Variants in OLFM3 observed in about 807,000 individuals in gnomAD.
OLFM3 encodes noelin-3.
A neutral mutation model predicts 48.6 loss-of-function variants in OLFM3; 20 were observed. That is an observed-to-expected ratio of 0.41 (90% CI 0.29 to 0.60). The LOEUF is 0.60. OLFM3 is among the 20% of genes least tolerant of loss of function. OLFM3 has a pLI of 0.28. For missense variants in OLFM3, 437 were observed against 544.3 expected (o/e 0.80, Z 1.96); for synonymous variants, 222 against 198.1 (o/e 1.12, Z -1.01).
intron 1 of OLFM3, among the ~76,000 whole-genome samples, chr1:101,909,690 A>G (rs879292718): frequency 6.6e-6 from 1 of 152,208 alleles, no homozygotes; most frequent in Admixed American, 6.5e-5. Flanking sequence ...TTCCATTATA[A>G]TTACTTGTCA....
chr1:101,940,093 A>G (rs1557738507), intron 1 of OLFM3, among the ~76,000 whole-genome samples: 1 of 152,268 alleles, frequency 6.6e-6, no homozygotes, highest in East Asian at 1.9e-4. Context: ...TAGGAGTGTA[A>G]TAGACATAGT....
chr1:101,889,048 TTGG>T (rs1657885551), intron 1 of OLFM3, among the ~76,000 whole-genome samples: 1 of 152,210 alleles, frequency 6.6e-6, no homozygotes, highest in Non-Finnish European at 1.5e-5. Flanking sequence ...TTTTTCACTG[TTGG>T]TGGGACTCTA....
chr1:101,949,852 C>A (rs1470999161), intron 1 of OLFM3, among the ~76,000 whole-genome samples: 1 of 148,262 alleles, frequency 6.7e-6, no homozygotes, highest in African/African-American at 2.5e-5. Context: ...ATGGCGTAAA[C>A]CCGGGAGGCG....
intron 4 of OLFM3, among the ~76,000 whole-genome samples, chr1:101,820,077 A>G (rs1654536749): frequency 6.6e-6 from 1 of 152,156 alleles, no homozygotes; most frequent in South Asian, 2.1e-4. Context: ...AAGTGCCAGC[A>G]CACATTAGAG....
chr1:101,812,415 T>C (rs1654111659), intron 4 of OLFM3: 4 of 985,228 alleles, frequency 4.1e-6, no homozygotes, highest in Non-Finnish European at 4.8e-6. Context: ...GGTACCTTAT[T>C]GCCAGACTGA....
At position 101,995,703 on chromosome 1, in the gene OLFM3, C is replaced by T. The variant is rs992653867; in HGVS notation, c.69+1045G>A. On this transcript the variant is annotated intron_variant, in intron 1 of 5. Coordinates refer to ENST00000370103, the MANE Select transcript of OLFM3 (RefSeq NM_058170.4). ...TGAAAGGAAACTTAATTTGTCTACA[C>T]TACACACATGATGTAAAGCTTTAAA... 4.6e-5 allele frequency among the ~76,000 whole-genome samples: 7 copies of T among 152,274 alleles called. No homozygotes were observed. The East Asian group carries it at 1.2e-3, about 25-fold the overall frequency.
intron 1 of OLFM3, among the ~76,000 whole-genome samples, chr1:101,846,367 A>G (rs1655993776): frequency 6.6e-6 from 1 of 152,170 alleles, no homozygotes; most frequent in South Asian, 2.1e-4. Flanking sequence ...TGCTTAAAAG[A>G]TGTTAGTTTC....
intron 1 of OLFM3, among the ~76,000 whole-genome samples, chr1:101,842,524 G>T (rs1655777884): frequency 6.6e-6 from 1 of 152,144 alleles, no homozygotes; most frequent in African/African-American, 2.4e-5. Flanking sequence ...TACAGCCTAG[G>T]TGACAGAGTG....
At chr1:101,846,307 T>A (rs1244528106) in intron 1 of OLFM3, among the ~76,000 whole-genome samples, 1 of 152,158 alleles carries the variant, frequency 6.6e-6, no homozygotes, top group African/African-American at 2.4e-5. Context: ...TTAGCTTTCT[T>A]AAAGGAATTT....
intron 1 of OLFM3, chr1:101,882,804 A>T (rs1657589674): frequency 6.6e-6 from 1 of 151,858 alleles, no homozygotes; most frequent in South Asian, 2.1e-4. Context: ...GCTGCCAAGG[A>T]TGGTGAAGTC....
chr1:101,916,810 G>A (rs1471112843), intron 1 of OLFM3, among the ~76,000 whole-genome samples: 1 of 152,120 alleles, frequency 6.6e-6, no homozygotes, highest in Non-Finnish European at 1.5e-5. Flanking sequence ...TACCCCTACT[G>A]TGAGCCAGAT....
At chr1:101,926,424 C>G (rs774529928) in intron 1 of OLFM3, among the ~76,000 whole-genome samples, 2 of 152,056 alleles carry the variant, frequency 1.3e-5, no homozygotes, top group South Asian at 2.1e-4. Flanking sequence ...TTCACGCAAG[C>G]CTTTGATAGA....
At chr1:101,824,947 C>T (rs1333201282) in intron 4 of OLFM3, 79 bp downstream of exon 4, 1 of 1,241,608 alleles carries the variant, frequency 8.1e-7, no homozygotes, top group Non-Finnish European at 1.2e-6. Flanking sequence ...TTTTATGACT[C>T]TTTATAAAAC....
At chr1:101,914,624 T>C (rs10493969) in intron 1 of OLFM3, among the ~76,000 whole-genome samples, 65,768 of 151,982 alleles carry the variant, frequency 0.43, 14,329 homozygotes, top group East Asian at 0.59. Flanking sequence ...CTAATAGTGC[T>C]ATAATGCTGG....
intron 1 of OLFM3, among the ~76,000 whole-genome samples, chr1:101,945,497 G>A (rs1659933897): frequency 6.6e-6 from 1 of 152,078 alleles, no homozygotes; most frequent in African/African-American, 2.4e-5. Flanking sequence ...TTCTGTGGGA[G>A]GAGGGTTAGG....
chr1:101,951,047 C>A (rs1005569850), intron 1 of OLFM3, among the ~76,000 whole-genome samples: 2 of 152,126 alleles, frequency 1.3e-5, no homozygotes, highest in South Asian at 2.1e-4. Context: ...ATGGGGATAC[C>A]TGAGCATGTA....
chr1:101,989,806 G>A (rs1358039013), intron 1 of OLFM3, among the ~76,000 whole-genome samples: 1 of 152,074 alleles, frequency 6.6e-6, no homozygotes, highest in East Asian at 1.9e-4. Flanking sequence ...GCAATCCAAG[G>A]GAAACAGTAG....
At chr1:101,859,273 T>C (rs929959045) in intron 1 of OLFM3, among the ~76,000 whole-genome samples, 3 of 152,086 alleles carry the variant, frequency 2.0e-5, no homozygotes, top group African/African-American at 4.8e-5. Context: ...ACCAGTTTGT[T>C]ATTTAGAGGA....
chr1:101,851,686 G>A (rs142669990), intron 1 of OLFM3, among the ~76,000 whole-genome samples: 71 of 152,130 alleles, frequency 4.7e-4, no homozygotes, highest in Non-Finnish European at 9.6e-4. Flanking sequence ...TTGAAAAGTC[G>A]AGGTAACTAC....
Sources: gnomAD v4.1 joint callset for allele counts (sites outside exome capture counted in the v4.1 genomes callset) on GRCh38, gnomAD v4.1.1 for gene constraint, MANE v1.5 for transcripts, NCBI Gene and HGNC (gene_info 2026-07-23, HGNC 2026-07-21) for gene names.